Variants in BBOF1 observed in about 807,000 individuals in gnomAD.
The protein encoded by BBOF1 is basal body orientation factor 1.
A neutral mutation model predicts 68.0 loss-of-function variants in BBOF1; 62 were observed. The observed-to-expected ratio is 0.91, with a 90% confidence interval of 0.74 to 1.13. BBOF1 has a LOEUF of 1.13. Ranked by LOEUF, BBOF1 falls within the 50% of genes most tolerant of loss-of-function variation. The pLI, the probability that BBOF1 is intolerant of heterozygous loss-of-function variation, is 0.00. For missense variants in BBOF1, 534 were observed against 600.1 expected (o/e 0.89, Z 1.15); for synonymous variants, 208 against 198.8 (o/e 1.05, Z -0.39).
Position 74,019,462 on chromosome 14 carries a change from C to A in BBOF1, c.-17C>A, listed in dbSNP as rs552037820. On this transcript the variant is annotated 5_prime_UTR_variant, in exon 1 of 12. Transcript: ENST00000394009. ...CGGCTGGGCAACTACGACAGCGGAG[C>A]CCCTGGGGAAGCCAAGATGCCGTCG... 1.3e-6 allele frequency: 2 copies of A among 1,599,380 alleles called. No homozygotes were observed. Among genetic ancestry groups the A allele is most frequent in the Admixed American group, 1.7e-5 (1 of 58,058 alleles).
chr14:74,067,951 G>A (rs2139776554), downstream of BBOF1, among the ~76,000 whole-genome samples: 1 of 145,938 alleles, frequency 6.9e-6, no homozygotes, highest in East Asian at 2.0e-4. Context: ...ACAAAAAACA[G>A]GAATTTGTTG....
At chr14:74,067,527 C>A, downstream of BBOF1, 2 of 1,614,154 alleles carry the variant, frequency 1.2e-6, no homozygotes, top group Non-Finnish European at 1.7e-6. Flanking sequence ...AGGGTATTTT[C>A]CTTATTGGCA....
chr14:74,082,855 T>C (rs1198914035), exon 13 of BBOF1: 3 of 152,190 alleles, frequency 2.0e-5, no homozygotes, highest in African/African-American at 4.8e-5. Context: ...TAAAAGTACA[T>C]GGAAAGAGAG....
Position 74,046,062 on chromosome 14 carries a change from C to T in BBOF1, c.579C>T (p.His193=), listed in dbSNP as rs1355726801. 7 of 1,604,768 alleles carry T rather than the reference C, an allele frequency of 4.4e-6. No individual in the cohort carries two copies. Among genetic ancestry groups the T allele is most frequent in the Non-Finnish European group, 6.0e-6 (7 of 1,175,876 alleles). The change falls in exon 6 of 12, where the codon CAC becomes CAT. Residue 193 remains histidine (H), a splice_region_variant and synonymous_variant. Transcript: ENST00000394009. The stretch of plus-strand genomic sequence containing the variant: ...AAGCAGCCCATTTTCTTTTTTAGCA[C>T]CGACTAGAACAAGAGGCTGAAAAGA... The part of the protein sequence containing the change: ...RLESRFFEEK[H]RLEQEAEKKI...
rs74062578 is a variant in BBOF1, at chr14:74,051,876, C to T, written c.1286+1681C>T. On this transcript the variant is annotated intron_variant, in intron 8 of 11. Transcript: ENST00000394009. The stretch of plus-strand genomic sequence containing the variant: ...GGATTACAGGCACGAGCCACCATGC[C>T]CAGCCTAACATCTTCCAAATGTGTT... Among the ~76,000 whole-genome samples the T allele has an allele frequency of 1.4e-4, 21 of 151,762 alleles. 3 individuals carry two copies. The highest frequency in any genetic ancestry group is 5.1e-4 in the African/African-American group (21 of 41,076).
At position 74,049,710 on chromosome 14, in the gene BBOF1, T is replaced by A; in HGVS notation, c.801T>A (p.Asn267Lys). The A allele has an allele frequency of 6.3e-7, 1 of 1,596,396 alleles. No homozygotes were observed. Among genetic ancestry groups the A allele is most frequent in the South Asian group, 1.1e-5 (1 of 88,736 alleles). Residue 267 changes from asparagine to lysine, a missense_variant, in exon 8 of 12, where the codon AAT (asparagine) becomes AAA (lysine). By Grantham distance (94) the Asn-to-Lys change is moderately conservative. Coordinates refer to ENST00000394009, the MANE Select transcript of BBOF1 (RefSeq NM_025057.3). ...HTLLLHQKEI[N>K]DLLVKEKIMQ... ...CATCTTTCTGTTTTTAGGAGATCAA[T>A]GATCTGTTGGTTAAGGAAAAGATTA...
At chr14:74,033,280 A>G (rs143176734) in intron 3 of BBOF1, among the ~76,000 whole-genome samples, 1,575 of 152,320 alleles carry the variant, frequency 0.01, 12 homozygotes, top group Middle Eastern at 0.027. Context: ...GCAAAAATAA[A>G]AGGGGGACCG....
downstream of BBOF1, among the ~76,000 whole-genome samples, chr14:74,068,434 TCATGATTAAAGAGAAGA>T: frequency 6.6e-6 from 1 of 151,136 alleles, no homozygotes; most frequent in East Asian, 2.0e-4. Flanking sequence ...CTCAAAAGGT[TCATGATTAAAGAGAAGA>T]CATTCAGGAG....
At chr14:74,057,877 G>C in intron 11 of BBOF1, 4 of 1,033,292 alleles carry the variant, frequency 3.9e-6, no homozygotes, top group African/African-American at 3.5e-5. Context: ...TCTAATTAGA[G>C]CATCACAGTT....
chr14:74,043,604 A>T (rs1433933902), intron 5 of BBOF1, among the ~76,000 whole-genome samples: 1 of 140,486 alleles, frequency 7.1e-6, no homozygotes, highest in African/African-American at 2.6e-5. Flanking sequence ...TCACTTTGTC[A>T]CCTAGGTTGG....
At chr14:74,060,467 G>A in intron 11 of BBOF1, 2 of 628,694 alleles carry the variant, frequency 3.2e-6, no homozygotes, top group Non-Finnish European at 5.8e-6. Context: ...TGGTTTCATT[G>A]TTACACTAGG....
chr14:74,029,678 A>C (rs2059519969), intron 3 of BBOF1, among the ~76,000 whole-genome samples: 1 of 147,392 alleles, frequency 6.8e-6, no homozygotes, highest in South Asian at 2.2e-4. Flanking sequence ...GTGAAACTTC[A>C]TCTCAAAAAA....
chr14:74,038,649 A>G (rs2059763317), intron 4 of BBOF1, among the ~76,000 whole-genome samples: 2 of 152,218 alleles, frequency 1.3e-5, no homozygotes, highest in Admixed American at 1.3e-4. Context: ...CATTATACAA[A>G]TTACAAAGAA....
At chr14:74,037,440 G>T (rs1057433208) in intron 4 of BBOF1, among the ~76,000 whole-genome samples, 4 of 149,890 alleles carry the variant, frequency 2.7e-5, no homozygotes, top group African/African-American at 9.8e-5. Context: ...CTACAGGCAC[G>T]CACCATCACA....
At chr14:74,067,507 C>T, downstream of BBOF1, 1 of 1,614,188 alleles carries the variant, frequency 6.2e-7, no homozygotes. Context: ...CTGCCCCAAC[C>T]AGCTGGTTCA....
At chr14:74,027,149 C>T (rs1293159550) in intron 2 of BBOF1, among the ~76,000 whole-genome samples, 2 of 122,580 alleles carry the variant, frequency 1.6e-5, no homozygotes, top group Non-Finnish European at 3.2e-5. Flanking sequence ...TGCAGTGGTG[C>T]GATCTTGGCT....
chr14:74,057,591 G>A, intron 11 of BBOF1: 1 of 1,330,178 alleles, frequency 7.5e-7, no homozygotes. Flanking sequence ...TCACAGGTGG[G>A]AAGTCAGAGT....
chr14:74,068,623 T>A (rs1331552198), downstream of BBOF1, among the ~76,000 whole-genome samples: 1 of 150,358 alleles, frequency 6.7e-6, no homozygotes, highest in African/African-American at 2.4e-5. Flanking sequence ...TGTGCTTGTA[T>A]TCCCAGCTAC....
At chr14:74,055,372 C>T (rs1454272628) in intron 8 of BBOF1, 1 of 447,680 alleles carries the variant, frequency 2.2e-6, no homozygotes. Flanking sequence ...TGGTCTCGAA[C>T]TCCTGACCTC....
Sources: allele counts gnomAD v4.1 joint callset (sites outside exome capture counted in the v4.1 genomes callset), GRCh38; gene constraint gnomAD v4.1.1; transcripts MANE v1.5; gene names NCBI Gene and HGNC (gene_info 2026-07-23, HGNC 2026-07-21).